ZC3H12B: variants seen among roughly 807,000 people sequenced by gnomAD.
ZC3H12B encodes probable ribonuclease ZC3H12B.
Under a neutral mutation model 43.9 loss-of-function variants are expected in ZC3H12B, and 7 were observed. The ratio of observed to expected loss-of-function variants is 0.16; its 90% CI spans 0.09 to 0.30. ZC3H12B has a LOEUF of 0.30. Among genes scored for constraint, ZC3H12B ranks in the 10% least tolerant of loss-of-function variants. The probability of loss-of-function intolerance (pLI) is 1.00; values close to 1 mark genes in which losing one functional copy is unlikely to be tolerated. For synonymous variants in ZC3H12B, 222 were observed against 241.7 expected (o/e 0.92, Z 0.76); for missense variants, 475 against 670.2 (o/e 0.71, Z 3.22).
chrX:65,133,412 T>G, the ZC3H12B span, among the ~76,000 whole-genome samples: 2 of 105,790 alleles, frequency 1.9e-5, no homozygotes, highest in Non-Finnish European at 3.9e-5. Flanking sequence ...GGGTCTAGGG[T>G]GGTAAAGCGT....
chrX:65,202,052 A>G, the ZC3H12B span, among the ~76,000 whole-genome samples: 1 of 87,893 alleles, frequency 1.1e-5, no homozygotes, highest in South Asian at 5.0e-4. Context: ...AATATAATAT[A>G]TATTATATGT....
the ZC3H12B span, among the ~76,000 whole-genome samples, chrX:65,264,981 T>A: frequency 2.7e-5 from 3 of 111,731 alleles, no homozygotes; most frequent in Admixed American, 2.9e-4. Flanking sequence ...GGAGAAATAG[T>A]CACACAGCAA....
the ZC3H12B span, among the ~76,000 whole-genome samples, chrX:65,142,849 T>C: frequency 4.4e-5 from 5 of 112,491 alleles, no homozygotes; most frequent in South Asian, 1.4e-3. Context: ...TTCTGTTTCA[T>C]TGGTCTGTGT....
chrX:65,074,823 G>A, the ZC3H12B span, among the ~76,000 whole-genome samples: 1 of 111,637 alleles, frequency 9.0e-6, no homozygotes, highest in Non-Finnish European at 1.9e-5. Flanking sequence ...GTGTTTTTAT[G>A]TTTTCAGTTG....
At chrX:65,396,879 G>A (rs1285416663) in intron 2 of ZC3H12B, among the ~76,000 whole-genome samples, 1 of 111,280 alleles carries the variant, frequency 9.0e-6, no homozygotes, top group African/African-American at 3.3e-5. Context: ...TATGAATCTA[G>A]GTGCTTCTGT....
At chrX:65,204,472 C>G in the ZC3H12B span, among the ~76,000 whole-genome samples, 1 of 111,939 alleles carries the variant, frequency 8.9e-6, no homozygotes, top group Non-Finnish European at 1.9e-5. Context: ...TGATTAGTAT[C>G]TATTATAAAA....
chrX:65,488,579 C>T (rs973241708), upstream of ZC3H12B: 18 of 300,924 alleles, frequency 6.0e-5, no homozygotes, highest in African/African-American at 4.4e-4. Flanking sequence ...AAGAAGAAAC[C>T]TCTGTATTCT....
chrX:65,151,247 A>C, the ZC3H12B span, among the ~76,000 whole-genome samples: 7 of 111,900 alleles, frequency 6.3e-5, no homozygotes, highest in Non-Finnish European at 1.1e-4. Flanking sequence ...CCAAGAAAAA[A>C]TTTTTCCATT....
chrX:65,440,989 A>C (rs894136900), intron 3 of ZC3H12B, among the ~76,000 whole-genome samples: 8 of 112,417 alleles, frequency 7.1e-5, no homozygotes, highest in Non-Finnish European at 1.5e-4. Flanking sequence ...GGCTGCCATC[A>C]AAATTTTTTT....
chrX:65,147,219 C>T, the ZC3H12B span, among the ~76,000 whole-genome samples: 1 of 112,092 alleles, frequency 8.9e-6, no homozygotes, highest in Middle Eastern at 4.6e-3. Context: ...AGCCCTTCAC[C>T]AGTCAGCTCA....
At chrX:65,151,639 T>G in the ZC3H12B span, among the ~76,000 whole-genome samples, 1 of 111,764 alleles carries the variant, frequency 8.9e-6, no homozygotes, top group South Asian at 3.8e-4. Flanking sequence ...TTCTTCAATT[T>G]TCAACAGTGA....
the ZC3H12B span, among the ~76,000 whole-genome samples, chrX:65,092,454 G>A: frequency 9.0e-6 from 1 of 111,519 alleles, no homozygotes; most frequent in Non-Finnish European, 1.9e-5. Flanking sequence ...CCTAAAGATT[G>A]GTTAAATGGT....
the ZC3H12B span, among the ~76,000 whole-genome samples, chrX:65,209,501 C>G: frequency 1.0e-5 from 1 of 96,601 alleles, no homozygotes; most frequent in African/African-American, 3.8e-5. Context: ...GAGTGAGATT[C>G]TTAATCCTGA....
At chrX:65,318,119 C>A in the ZC3H12B span, among the ~76,000 whole-genome samples, 1 of 108,729 alleles carries the variant, frequency 9.2e-6, no homozygotes, top group African/African-American at 3.3e-5. Context: ...AGTAGTAGTA[C>A]TAGTTTAAAT....
At chrX:65,248,468 G>A in the ZC3H12B span, among the ~76,000 whole-genome samples, 4 of 111,786 alleles carry the variant, frequency 3.6e-5, no homozygotes, top group African/African-American at 1.3e-4. Context: ...TATTTAGCCC[G>A]GATAGAAACC....
the ZC3H12B span, among the ~76,000 whole-genome samples, chrX:65,139,866 T>A: frequency 2.7e-5 from 3 of 111,691 alleles, no homozygotes; most frequent in African/African-American, 6.5e-5. Context: ...TGGAATGTTT[T>A]CTAGATTTAT....
At chrX:65,155,908 G>A in the ZC3H12B span, among the ~76,000 whole-genome samples, 1 of 109,710 alleles carries the variant, frequency 9.1e-6, no homozygotes, top group Non-Finnish European at 1.9e-5. Flanking sequence ...TTCTAGAAGA[G>A]TATTTATAAG....
the ZC3H12B span, among the ~76,000 whole-genome samples, chrX:65,181,703 T>G: frequency 5.4e-5 from 6 of 112,119 alleles, no homozygotes; most frequent in Admixed American, 3.8e-4. Context: ...CACAATGAGA[T>G]ACCATCTCAG....
chrX:65,377,741 T>C (rs774782661), intron 2 of ZC3H12B, among the ~76,000 whole-genome samples: 1 of 111,338 alleles, frequency 9.0e-6, no homozygotes, highest in Non-Finnish European at 1.9e-5. Flanking sequence ...ACACCACACT[T>C]ACCCTACATC....
Sources: allele counts gnomAD v4.1 joint callset (sites outside exome capture counted in the v4.1 genomes callset), GRCh38; gene constraint gnomAD v4.1.1; transcripts MANE v1.5; gene names NCBI Gene and HGNC (gene_info 2026-07-23, HGNC 2026-07-21).